CSMD3: variants seen among roughly 807,000 people sequenced by gnomAD.
CSMD3 encodes the protein CUB and Sushi multiple domains 3, also known as CUB and sushi domain-containing protein 3.
A neutral mutation model predicts 435.2 loss-of-function variants in CSMD3; 177 were observed. The ratio of observed to expected loss-of-function variants is 0.41; its 90% CI spans 0.36 to 0.46. The LOEUF (loss-of-function observed/expected upper bound fraction) is 0.46, where lower values mean the gene tolerates loss of function less well. Among genes scored for constraint, CSMD3 ranks in the 20% least tolerant of loss-of-function variants. The probability of loss-of-function intolerance (pLI) is 0.34; values close to 1 mark genes in which losing one functional copy is unlikely to be tolerated. For synonymous variants in CSMD3, 1,656 were observed against 1,520.5 expected, an observed-to-expected ratio of 1.09 and a Z score of -2.07; for missense variants, 4,265 against 4,504.6, an observed-to-expected ratio of 0.95 and a Z score of 1.52.
At chr8:113,389,594 A>C (rs2094453316) in intron 1 of CSMD3, among the ~76,000 whole-genome samples, 1 of 151,746 alleles carries the variant, frequency 6.6e-6, no homozygotes. Flanking sequence ...CCCTTGAAGA[A>C]ACTAAATTGT....
At chr8:113,310,784 A>T (rs1440677713) in intron 2 of CSMD3, 1 of 151,878 alleles carries the variant, frequency 6.6e-6, no homozygotes, top group Non-Finnish European at 1.5e-5. Flanking sequence ...CCAAGAACCA[A>T]TCTAAAATAT....
chr8:113,068,507 C>G (rs893178231), intron 5 of CSMD3, among the ~76,000 whole-genome samples: 6 of 152,050 alleles, frequency 3.9e-5, no homozygotes, highest in Admixed American at 6.6e-5. Flanking sequence ...CCTATCTATT[C>G]TTTTGTGGTA....
chr8:112,932,733 C>G (rs1432745305), intron 9 of CSMD3, among the ~76,000 whole-genome samples: 2 of 151,886 alleles, frequency 1.3e-5, no homozygotes, highest in African/African-American at 4.8e-5. Context: ...TGGATACCTA[C>G]AGTTAGATAG....
intron 27 of CSMD3, among the ~76,000 whole-genome samples, chr8:112,524,539 T>G (rs1824653697): frequency 6.6e-6 from 1 of 152,004 alleles, no homozygotes; most frequent in Non-Finnish European, 1.5e-5. Context: ...ATGATATCCT[T>G]ACCCTTCAAG....
At chr8:113,405,132 C>A (rs2094526964) in intron 1 of CSMD3, among the ~76,000 whole-genome samples, 1 of 151,374 alleles carries the variant, frequency 6.6e-6, no homozygotes, top group Non-Finnish European at 1.5e-5. Context: ...TGTTTAATCC[C>A]AGTAACTTTG....
intron 2 of CSMD3, among the ~76,000 whole-genome samples, chr8:113,291,519 G>A (rs2093686267): frequency 3.3e-5 from 5 of 151,846 alleles, no homozygotes; most frequent in Admixed American, 3.3e-4. Context: ...CTAGATGGAA[G>A]AAATAAAAAA....
At chr8:113,225,057 A>G (rs1348368392) in intron 3 of CSMD3, among the ~76,000 whole-genome samples, 7 of 151,372 alleles carry the variant, frequency 4.6e-5, no homozygotes, top group Admixed American at 2.6e-4. Context: ...TATGAAGGAG[A>G]TTATTTCAGA....
intron 1 of CSMD3, among the ~76,000 whole-genome samples, chr8:113,397,711 G>C (rs947730990): frequency 6.6e-6 from 1 of 151,850 alleles, no homozygotes; most frequent in Admixed American, 6.6e-5. Flanking sequence ...CCAGCTACTC[G>C]GGAGGCTGAG....
At chr8:112,855,333 G>C (rs1242031963) in intron 11 of CSMD3, among the ~76,000 whole-genome samples, 1 of 152,038 alleles carries the variant, frequency 6.6e-6, no homozygotes, top group African/African-American at 2.4e-5. Context: ...TAGCTGCAAA[G>C]GACGCAATTT....
At chr8:112,800,533 A>G (rs2078936891) in intron 12 of CSMD3, among the ~76,000 whole-genome samples, 1 of 152,062 alleles carries the variant, frequency 6.6e-6, no homozygotes, top group Non-Finnish European at 1.5e-5. Flanking sequence ...TTAGACCATC[A>G]AAAACTCCTA....
chr8:112,801,142 A>G (rs2078951437), intron 12 of CSMD3, among the ~76,000 whole-genome samples: 1 of 152,050 alleles, frequency 6.6e-6, no homozygotes, highest in African/African-American at 2.4e-5. Context: ...GGAAGAAAAT[A>G]CTGAATGTTT....
At chr8:113,002,093 G>A (rs1350095520) in intron 6 of CSMD3, among the ~76,000 whole-genome samples, 1 of 152,036 alleles carries the variant, frequency 6.6e-6, no homozygotes, top group Non-Finnish European at 1.5e-5. Context: ...ACAGCTGTTT[G>A]AATAGAATTT....
intron 3 of CSMD3, among the ~76,000 whole-genome samples, chr8:113,232,987 T>C (rs1237118763): frequency 6.6e-6 from 1 of 151,954 alleles, no homozygotes; most frequent in Non-Finnish European, 1.5e-5. Flanking sequence ...CAGACTAAAG[T>C]TGAGTTAGAC....
intron 2 of CSMD3, among the ~76,000 whole-genome samples, chr8:113,294,931 T>C (rs1461736677): frequency 1.3e-5 from 2 of 152,120 alleles, no homozygotes; most frequent in Non-Finnish European, 2.9e-5. Flanking sequence ...ATCATGTGGG[T>C]GTCATGTACT....
chr8:112,590,181 T>C (rs1364613174), intron 22 of CSMD3, among the ~76,000 whole-genome samples: 1 of 152,022 alleles, frequency 6.6e-6, no homozygotes, highest in Non-Finnish European at 1.5e-5. Flanking sequence ...ATGTACTGGG[T>C]GGTGAGGGGA....
At chr8:113,095,426 C>T (rs936527340) in intron 5 of CSMD3, among the ~76,000 whole-genome samples, 1 of 152,104 alleles carries the variant, frequency 6.6e-6, no homozygotes, top group African/African-American at 2.4e-5. Context: ...TCTTCAAACC[C>T]CTCCAGTCAG....
chr8:112,285,421 A>C (rs1466406669), intron 58 of CSMD3, among the ~76,000 whole-genome samples: 1 of 152,114 alleles, frequency 6.6e-6, no homozygotes, highest in Non-Finnish European at 1.5e-5. Context: ...TCTTAAGATT[A>C]TTAAAACTGA....
chr8:112,873,878 TTTTTTGAAGGG>T (rs556095441), intron 10 of CSMD3, among the ~76,000 whole-genome samples: 5 of 152,166 alleles, frequency 3.3e-5, no homozygotes, highest in Middle Eastern at 3.4e-3. Flanking sequence ...TTCACTGATT[TTTTTTGAAGGG>T]TTTTTCATAT....
chr8:112,450,246 C>T (rs918589269), intron 32 of CSMD3, among the ~76,000 whole-genome samples: 1 of 152,096 alleles, frequency 6.6e-6, no homozygotes, highest in Non-Finnish European at 1.5e-5. Context: ...TCAAAGTAGG[C>T]TGTGTATAAA....
Sources: gnomAD v4.1 joint callset for allele counts (sites outside exome capture counted in the v4.1 genomes callset) on GRCh38, gnomAD v4.1.1 for gene constraint, MANE v1.5 for transcripts, NCBI Gene and HGNC (gene_info 2026-07-23, HGNC 2026-07-21) for gene names.